The following GALNT1 variants were observed in gnomAD, a reference collection of about 807,000 sequenced individuals.
GALNT1 encodes GalNAc transferase 1.
A neutral mutation model predicts 65.7 loss-of-function variants in GALNT1; 17 were observed. The ratio of observed to expected loss-of-function variants is 0.26; its 90% CI spans 0.18 to 0.39. The LOEUF is 0.39. Among genes scored for constraint, GALNT1 ranks in the 10% least tolerant of loss-of-function variants. The pLI, the probability that GALNT1 is intolerant of heterozygous loss-of-function variation, is 1.00. For missense variants in GALNT1, 460 were observed against 672.8 expected (o/e 0.68, Z 3.50); for synonymous variants, 210 against 219.7 (o/e 0.96, Z 0.39).
At chr18:35,626,260 A>C (rs972635800) in intron 1 of GALNT1, among the ~76,000 whole-genome samples, 3 of 152,260 alleles carry the variant, frequency 2.0e-5, no homozygotes, top group Middle Eastern at 3.4e-3. Context: ...TAGGGACTGA[A>C]CATTTTTCAT....
intron 1 of GALNT1, among the ~76,000 whole-genome samples, chr18:35,638,768 A>G (rs1217369521): frequency 1.3e-5 from 2 of 152,234 alleles, no homozygotes; most frequent in East Asian, 3.8e-4. Context: ...GCAAAGTAAC[A>G]GAGTTTCACC....
chr18:35,586,569 A>G lies in GALNT1; in HGVS notation c.-104+4707A>G, dbSNP rs1052705009. ...TCCCTAATAGTTTTGTGGTTTTTAC[A>G]TGATCCAGTTTATGAAGCTGAGATT... On this transcript the variant is annotated intron_variant, in intron 1 of 11. Coordinates refer to ENST00000269195, the MANE Select transcript of GALNT1 (RefSeq NM_020474.4). Among the ~76,000 whole-genome samples, 7 of 151,832 alleles carry G rather than the reference A, an allele frequency of 4.6e-5. No homozygotes were observed. The East Asian group carries it at 1.2e-3, about 25-fold the overall frequency.
At chr18:35,606,457 G>T (rs1451776614) in intron 1 of GALNT1, among the ~76,000 whole-genome samples, 1 of 152,204 alleles carries the variant, frequency 6.6e-6, no homozygotes, top group Non-Finnish European at 1.5e-5. Context: ...TGCGACAAGT[G>T]TAGGTAATAG....
At chr18:35,600,940 A>G (rs1312180820) in intron 1 of GALNT1, among the ~76,000 whole-genome samples, 2 of 152,036 alleles carry the variant, frequency 1.3e-5, no homozygotes, top group African/African-American at 2.4e-5. Flanking sequence ...TATATGAGTA[A>G]TGGTAGCCTA....
intron 4 of GALNT1, among the ~76,000 whole-genome samples, chr18:35,682,908 T>TAAAAAA (rs34199709): frequency 8.4e-6 from 1 of 118,484 alleles, no homozygotes; most frequent in African/African-American, 3.2e-5. Context: ...GCCCCCTGAT[T>TAAAAAA]AAAAAAAAAA....
At chr18:35,612,918 G>A (rs905898758) in intron 1 of GALNT1, among the ~76,000 whole-genome samples, 1 of 151,102 alleles carries the variant, frequency 6.6e-6, no homozygotes, top group Admixed American at 6.6e-5. Flanking sequence ...ACCAGGAGAG[G>A]AGGAAAGTAC....
At chr18:35,619,569 T>G (rs1463794530) in intron 1 of GALNT1, among the ~76,000 whole-genome samples, 1 of 152,200 alleles carries the variant, frequency 6.6e-6, no homozygotes, top group Non-Finnish European at 1.5e-5. Flanking sequence ...CAACAGAGAT[T>G]TCCATTTAGT....
chr18:35,622,765 T>C (rs898492714), intron 1 of GALNT1, among the ~76,000 whole-genome samples: 3 of 152,196 alleles, frequency 2.0e-5, no homozygotes, highest in Non-Finnish European at 2.9e-5. Context: ...TAGTACATTG[T>C]TGACAGGAAG....
chr18:35,684,535 C>T (rs12963248), intron 5 of GALNT1, among the ~76,000 whole-genome samples: 1,553 of 152,176 alleles, frequency 0.01, 9 homozygotes, highest in Middle Eastern at 0.024. Flanking sequence ...TAACACACAA[C>T]CCATAGAGAG....
chr18:35,657,204 T>C (rs1173321430), intron 2 of GALNT1, among the ~76,000 whole-genome samples: 1 of 152,176 alleles, frequency 6.6e-6, no homozygotes, highest in Non-Finnish European at 1.5e-5. Flanking sequence ...CAAGCAATTC[T>C]CCTGCCTCAG....
At chr18:35,586,880 C>T (rs1884253718) in intron 1 of GALNT1, among the ~76,000 whole-genome samples, 1 of 152,188 alleles carries the variant, frequency 6.6e-6, no homozygotes, top group Admixed American at 6.5e-5. Context: ...TCTTTCTGGG[C>T]TTTTGATACA....
chr18:35,649,172 C>G (rs2047277856), intron 1 of GALNT1, among the ~76,000 whole-genome samples: 1 of 152,218 alleles, frequency 6.6e-6, no homozygotes, highest in Non-Finnish European at 1.5e-5. Context: ...TTTTGCATTC[C>G]CACTGGCACC....
At chr18:35,672,318 A>G (rs2047648666) in intron 3 of GALNT1, among the ~76,000 whole-genome samples, 1 of 151,896 alleles carries the variant, frequency 6.6e-6, no homozygotes, top group Admixed American at 6.6e-5. Context: ...TTATTTTTCT[A>G]CTCATTTCCT....
intron 3 of GALNT1, among the ~76,000 whole-genome samples, chr18:35,671,303 A>G (rs559508584): frequency 6.6e-6 from 1 of 152,228 alleles, no homozygotes; most frequent in South Asian, 2.1e-4. Flanking sequence ...TGCAGCCTCA[A>G]CCTCCTGGGC....
intron 1 of GALNT1, among the ~76,000 whole-genome samples, chr18:35,650,594 C>T (rs549775980): frequency 9.2e-5 from 14 of 152,122 alleles, no homozygotes; most frequent in Admixed American, 2.6e-4. Flanking sequence ...GTTCCCAAAG[C>T]GGCCATTTCA....
intron 1 of GALNT1, among the ~76,000 whole-genome samples, chr18:35,649,572 A>AT (rs768067633): frequency 3.3e-5 from 5 of 151,924 alleles, no homozygotes; most frequent in African/African-American, 1.2e-4. Flanking sequence ...ATAAACAGAT[A>AT]TTTTCTTAAT....
intron 1 of GALNT1, 61 bp from the exon 2 acceptor site, chr18:35,654,499 A>T (rs1303689175): frequency 4.2e-6 from 1 of 238,592 alleles, no homozygotes; most frequent in Non-Finnish European, 7.7e-6. Flanking sequence ...AATTAATTTT[A>T]TAATTCACTT....
chr18:35,629,846 A>C (rs986452920), intron 1 of GALNT1, among the ~76,000 whole-genome samples: 4 of 152,224 alleles, frequency 2.6e-5, no homozygotes, highest in Non-Finnish European at 4.4e-5. Context: ...GGCTCAAAAT[A>C]CAGGGATGGA....
At chr18:35,704,885 C>G (rs1247219567) in intron 11 of GALNT1, among the ~76,000 whole-genome samples, 1 of 152,166 alleles carries the variant, frequency 6.6e-6, no homozygotes, top group Non-Finnish European at 1.5e-5. Flanking sequence ...CTCAGGTGAT[C>G]TGCCCACCTC....
Sources: allele counts gnomAD v4.1 joint callset (sites outside exome capture counted in the v4.1 genomes callset), GRCh38; gene constraint gnomAD v4.1.1; transcripts MANE v1.5; gene names NCBI Gene and HGNC (gene_info 2026-07-23, HGNC 2026-07-21).